Variants in CDH23 observed in about 807,000 individuals in gnomAD.
CDH23 encodes cadherin related 23.
CDH23 carries 189 observed loss-of-function variants against 317.1 expected under a neutral mutation model. The observed-to-expected ratio is 0.60, with a 90% CI of 0.53 to 0.67. The LOEUF (loss-of-function observed/expected upper bound fraction) is 0.67, where lower values mean the gene tolerates loss of function less well. Among genes scored for constraint, CDH23 ranks in the 30% least tolerant of loss-of-function variants. The pLI is 0.00. For missense variants in CDH23, 4,401 were observed against 4,592.4 expected (o/e 0.96, Z 1.20); for synonymous variants, 1,839 against 1,876.8 (o/e 0.98, Z 0.52).
At position 71,702,637 on chromosome 10, in the gene CDH23, C is replaced by T. The variant is rs2132733197; in HGVS notation, c.2676C>T (p.Asn892=). 2 of 1,613,990 alleles carry T rather than the reference C, an allele frequency of 1.2e-6. No homozygotes were observed. The highest frequency in any genetic ancestry group is 1.7e-6 in the Non-Finnish European group (2 of 1,179,896). Residue 892 remains asparagine (N), a synonymous_variant, in exon 24 of 70, where the codon AAC becomes AAT. Coordinates refer to ENST00000224721, the MANE Select transcript of CDH23 (RefSeq NM_022124.6). ...ATGACAATGACCCCACCTTTCAGAA[C>T]CTGCCTTTTGTGGCCGAGGTGCTTG... The part of the protein sequence containing the change: ...DLNDNDPTFQ[N]LPFVAEVLEG...
intron 25 of CDH23, 124 bp from the exon 26 acceptor site, chr10:71,706,773 T>A: frequency 6.9e-7 from 1 of 1,458,058 alleles, no homozygotes; most frequent in Non-Finnish European, 9.1e-7. Flanking sequence ...CAGATGCCAC[T>A]TGGAGCCCGT....
At chr10:71,561,690 A>C (rs1390393372) in intron 6 of CDH23, among the ~76,000 whole-genome samples, 2 of 152,224 alleles carry the variant, frequency 1.3e-5, no homozygotes, top group East Asian at 3.9e-4. Flanking sequence ...GCCGTGGGTT[A>C]CTTGGCGAGA....
chr10:71,477,600 C>T (rs1041324395), intron 3 of CDH23, among the ~76,000 whole-genome samples: 1 of 152,230 alleles, frequency 6.6e-6, no homozygotes, highest in Admixed American at 6.5e-5. Context: ...CTCCAAAAAC[C>T]TCCTCCAGCC....
At chr10:71,715,583 G>T (rs1044118555) in intron 28 of CDH23, 7 of 210,034 alleles carry the variant, frequency 3.3e-5, no homozygotes, top group Non-Finnish European at 6.6e-5. Context: ...GCACCTGGAG[G>T]GCAAGGCTTC....
chr10:71,774,057 A>G (rs1024217605), intron 38 of CDH23, among the ~76,000 whole-genome samples: 54 of 145,144 alleles, frequency 3.7e-4, no homozygotes, highest in South Asian at 1.1e-3. Flanking sequence ...GCGCGCACAC[A>G]CACACACACA....
intron 1 of CDH23, among the ~76,000 whole-genome samples, chr10:71,408,763 T>C (rs1169385800): frequency 6.6e-6 from 1 of 152,198 alleles, no homozygotes; most frequent in Non-Finnish European, 1.5e-5. Flanking sequence ...CACAGCTTCC[T>C]TGGGAGCCGC....
chr10:71,790,772 C>G (rs1589423264), intron 46 of CDH23: 1 of 460,560 alleles, frequency 2.2e-6, no homozygotes, highest in East Asian at 3.9e-5. Context: ...CCAGACCATG[C>G]CACATCCGTC....
Position 71,807,005 on chromosome 10 carries a change from G to A in CDH23, c.8179-272G>A, listed in dbSNP as rs1992823. Among the ~76,000 whole-genome samples the A allele has an allele frequency of 0.092, 13,934 of 152,276 alleles. 888 individuals carry two copies. Among genetic ancestry groups the A allele is most frequent in the East Asian group, 0.28 (1,469 of 5,178 alleles). On this transcript the variant is annotated intron_variant, in intron 57 of 69. Transcript: ENST00000224721. ...TCCTTGGCGACTGCTGAGTGTGAGT[G>A]CATACACATGCATGTGCATATAAGA...
At position 71,669,261 on chromosome 10, in the gene CDH23, C is replaced by T. The variant is rs1589314834; in HGVS notation, c.1450-5851C>T. Reference sequence around the variant, plus strand: ...CTACCTGGACTTCTAGGTGCGCAGCCGATGACTGTCCCATAGACTGGCATA... The same window carrying T: ...CTACCTGGACTTCTAGGTGCGCAGCTGATGACTGTCCCATAGACTGGCATA... On this transcript the variant is annotated intron_variant, in intron 14 of 69. Transcript: ENST00000224721. 1.3e-5 allele frequency among the ~76,000 whole-genome samples: 2 copies of T among 152,194 alleles called. 1 individual carries two copies. Among genetic ancestry groups the T allele is most frequent in the South Asian group, 4.1e-4 (2 of 4,830 alleles).
At position 71,598,780 on chromosome 10, in the gene CDH23, G is replaced by A. The variant is rs370918905; in HGVS notation, c.833-16724G>A. Reference sequence around the variant, plus strand: ...GACGTCTCTCTTTTTCCTGTTTCTCGCTTGCTCAGCAGAAGTTTCTGCCTG... The same window carrying A: ...GACGTCTCTCTTTTTCCTGTTTCTCACTTGCTCAGCAGAAGTTTCTGCCTG... On this transcript the variant is annotated intron_variant, in intron 9 of 69. Coordinates refer to ENST00000224721, the MANE Select transcript of CDH23 (RefSeq NM_022124.6). 1.2e-4 allele frequency among the ~76,000 whole-genome samples: 18 copies of A among 152,374 alleles called. 1 individual carries two copies. The highest frequency in any genetic ancestry group is 3.6e-4 in the African/African-American group (15 of 41,584).
At chr10:71,644,935 A>G (rs1862757123) in intron 12 of CDH23, among the ~76,000 whole-genome samples, 1 of 152,224 alleles carries the variant, frequency 6.6e-6, no homozygotes, top group African/African-American at 2.4e-5. Flanking sequence ...GCAGGCAGGA[A>G]GAGGAAGTAG....
At chr10:71,402,047 C>CT (rs530559414) in intron 1 of CDH23, among the ~76,000 whole-genome samples, 305 of 152,320 alleles carry the variant, frequency 2.0e-3, no homozygotes, top group Admixed American at 4.2e-3. Flanking sequence ...GTTTTCTAGT[C>CT]TTTCAGTGTG....
At chr10:71,404,586 C>T (rs1848010975) in intron 1 of CDH23, among the ~76,000 whole-genome samples, 1 of 152,252 alleles carries the variant, frequency 6.6e-6, no homozygotes, top group South Asian at 2.1e-4. Flanking sequence ...GTTCAAGGAA[C>T]CCAGATGAAG....
intron 22 of CDH23, among the ~76,000 whole-genome samples, chr10:71,701,744 G>A (rs942197921): frequency 6.7e-6 from 1 of 150,344 alleles, no homozygotes; most frequent in Admixed American, 6.7e-5. Flanking sequence ...GTTTGATGAG[G>A]AGGAACCCAG....
At chr10:71,730,239 G>A (rs796696575) in intron 30 of CDH23, among the ~76,000 whole-genome samples, 5 of 152,220 alleles carry the variant, frequency 3.3e-5, no homozygotes, top group African/African-American at 1.2e-4. Flanking sequence ...AAAGCCAAGA[G>A]CAAGATGAAG....
In CDH23 at chr10:71,628,535, GTCGCC is replaced by G. The variant is rs1394356409; in HGVS notation, c.1134+11143_1134+11147del. Among the ~76,000 whole-genome samples, 16 of 152,108 alleles carry G rather than the reference GTCGCC, an allele frequency of 1.1e-4. No individual in the cohort carries two copies. The South Asian group carries it at 2.5e-3, about 24-fold the overall frequency. ...TGTTTTTGAGACAGAGTCTTGCTCTGTCGCCCATGCTGGAGTGCAGTGGCGCAATC... is the reference window on the plus strand; with the variant it reads ...TGTTTTTGAGACAGAGTCTTGCTCTGCATGCTGGAGTGCAGTGGCGCAATC... On this transcript the variant is annotated intron_variant, in intron 11 of 69. Transcript: ENST00000224721.
chr10:71,414,440 T>G (rs536222430), intron 1 of CDH23, among the ~76,000 whole-genome samples: 1 of 152,358 alleles, frequency 6.6e-6, no homozygotes, highest in South Asian at 2.1e-4. Context: ...TTCTTTCTTC[T>G]GCTAATGTGG....
chr10:71,715,986 G>T (rs897125581), intron 28 of CDH23: 1 of 1,492,592 alleles, frequency 6.7e-7, no homozygotes, highest in Admixed American at 2.5e-5. Context: ...TTGTCCTCGG[G>T]GCCCGGCAGG....
At chr10:71,716,445 T>C in intron 28 of CDH23, 1 of 898,080 alleles carries the variant, frequency 1.1e-6, no homozygotes, top group Non-Finnish European at 1.7e-6. Flanking sequence ...GGCAAGGCAC[T>C]GTTAAACTGG....
Sources: allele counts gnomAD v4.1 joint callset (sites outside exome capture counted in the v4.1 genomes callset), GRCh38; gene constraint gnomAD v4.1.1; transcripts MANE v1.5; gene names NCBI Gene and HGNC (gene_info 2026-07-23, HGNC 2026-07-21).